The following FAM3B variants were observed in gnomAD, a reference collection of about 807,000 sequenced individuals.
The protein encoded by FAM3B is protein FAM3B.
A neutral mutation model predicts 28.4 loss-of-function variants in FAM3B; 29 were observed. The ratio of observed to expected loss-of-function variants is 1.02; its 90% CI spans 0.76 to 1.39. The LOEUF is 1.39. Ranked by LOEUF, FAM3B falls within the 40% of genes most tolerant of loss-of-function variation. The probability of loss-of-function intolerance (pLI) is 0.00; values close to 1 mark genes in which losing one functional copy is unlikely to be tolerated. For missense variants in FAM3B, 266 were observed against 293.9 expected (o/e 0.91, Z 0.69); for synonymous variants, 91 against 103.0 (o/e 0.88, Z 0.71).
chr21:41,306,554 A>G (rs57347504), intron 1 of FAM3B, among the ~76,000 whole-genome samples: 12,781 of 152,298 alleles, frequency 0.084, 814 homozygotes, highest in African/African-American at 0.17. Context: ...ATTTCCTTAT[A>G]TGTCTCCATC....
chr21:41,323,166 G>A, intron 2 of FAM3B, 100 bp downstream of exon 2: 1 of 1,494,176 alleles, frequency 6.7e-7, no homozygotes, highest in Non-Finnish European at 9.0e-7. Context: ...GGCCCTGACG[G>A]CTTTATATCA....
At chr21:41,304,418 C>T (rs2088670400) in intron 1 of FAM3B, 14 of 388,670 alleles carry the variant, frequency 3.6e-5, no homozygotes, top group South Asian at 2.6e-4. Context: ...CCCGAAGGGC[C>T]CCAGGTTGCC....
intron 7 of FAM3B, among the ~76,000 whole-genome samples, chr21:41,355,434 A>G (rs966076436): frequency 2.0e-5 from 3 of 152,238 alleles, no homozygotes; most frequent in Non-Finnish European, 2.9e-5. Flanking sequence ...TGTTTGATTA[A>G]TGGGTAAGAA....
intron 7 of FAM3B, among the ~76,000 whole-genome samples, chr21:41,355,635 A>G (rs1301700770): frequency 2.0e-5 from 3 of 152,224 alleles, no homozygotes; most frequent in Non-Finnish European, 4.4e-5. Context: ...AGAATGAGAA[A>G]ATCCACAGAG....
intron 2 of FAM3B, among the ~76,000 whole-genome samples, chr21:41,328,806 C>T (rs1317223442): frequency 6.6e-6 from 1 of 152,160 alleles, no homozygotes; most frequent in Non-Finnish European, 1.5e-5. Context: ...GGGAGCCAGC[C>T]TGCAGGGTTG....
intron 2 of FAM3B, among the ~76,000 whole-genome samples, chr21:41,327,541 T>G (rs1226232081): frequency 1.3e-5 from 2 of 152,244 alleles, no homozygotes; most frequent in Non-Finnish European, 2.9e-5. Context: ...AAGATATTTT[T>G]TAATTTCCTT....
chr21:41,310,452 C>G (rs2088703073), intron 1 of FAM3B, among the ~76,000 whole-genome samples: 1 of 152,186 alleles, frequency 6.6e-6, no homozygotes, highest in Non-Finnish European at 1.5e-5. Flanking sequence ...GTGAGTGGCA[C>G]AAGTTCCATA....
At chr21:41,308,551 TTTTTTG>T (rs2088693771) in intron 1 of FAM3B, among the ~76,000 whole-genome samples, 1 of 148,992 alleles carries the variant, frequency 6.7e-6, no homozygotes, top group African/African-American at 2.5e-5. Flanking sequence ...TTTTTTTTTT[TTTTTTG>T]AGACAGAGTT....
At chr21:41,332,873 T>TA (rs2088918752) in intron 2 of FAM3B, among the ~76,000 whole-genome samples, 2 of 144,930 alleles carry the variant, frequency 1.4e-5, no homozygotes, top group Non-Finnish European at 3.0e-5. Context: ...TTATCTCTTT[T>TA]CAAAAAACCA....
At chr21:41,313,520 C>A (rs1243216140), upstream of FAM3B, among the ~76,000 whole-genome samples, 1 of 87,900 alleles carries the variant, frequency 1.1e-5, no homozygotes, top group Admixed American at 1.2e-4. Context: ...GTATGCATGT[C>A]GCATTTGATC....
chr21:41,311,385 C>T (rs1383750905), intron 1 of FAM3B, among the ~76,000 whole-genome samples: 2 of 142,576 alleles, frequency 1.4e-5, no homozygotes, highest in Non-Finnish European at 3.0e-5. Context: ...TCGCATTGAA[C>T]CTGGAAGGTT....
intron 2 of FAM3B, among the ~76,000 whole-genome samples, chr21:41,335,583 C>A (rs558762342): frequency 6.6e-6 from 1 of 152,300 alleles, no homozygotes; most frequent in South Asian, 2.1e-4. Context: ...GAGGCCTCCC[C>A]AGAAGCTCAG....
chr21:41,311,251 A>ATATAT (rs1171631523), intron 1 of FAM3B, among the ~76,000 whole-genome samples: 11 of 35,050 alleles, frequency 3.1e-4, no homozygotes, highest in African/African-American at 4.8e-4. Context: ...AAAAAAAAAA[A>ATATAT]ATATATATAT....
chr21:41,336,077 T>A (rs1458063751), intron 2 of FAM3B, among the ~76,000 whole-genome samples: 1 of 152,188 alleles, frequency 6.6e-6, no homozygotes, highest in Non-Finnish European at 1.5e-5. Flanking sequence ...ACGAATGGTA[T>A]TAGCACCCGT....
chr21:41,354,839 A>AAAAGTT (rs1321254031), intron 7 of FAM3B, among the ~76,000 whole-genome samples: 2 of 152,142 alleles, frequency 1.3e-5, no homozygotes, highest in East Asian at 3.8e-4. Flanking sequence ...CCCCGAACTT[A>AAAAGTT]AAAGTTAAAA....
chr21:41,333,011 G>T, intron 2 of FAM3B, among the ~76,000 whole-genome samples: 1 of 149,566 alleles, frequency 6.7e-6, no homozygotes, highest in African/African-American at 2.5e-5. Context: ...CTATTTTCTT[G>T]ATGTATAATC....
chr21:41,330,524 G>A (rs944578687), intron 2 of FAM3B, among the ~76,000 whole-genome samples: 6 of 152,162 alleles, frequency 3.9e-5, no homozygotes, highest in African/African-American at 1.2e-4. Flanking sequence ...TGGATCTCTT[G>A]AACTTATTCC....
chr21:41,316,761 G>T, upstream of FAM3B: 1 of 1,046,316 alleles, frequency 9.6e-7, no homozygotes. Flanking sequence ...GCACCCAGCT[G>T]GCCCGCCCCT....
chr21:41,322,858 G>A (rs768401364), intron 1 of FAM3B, 65 bp from the exon 2 acceptor site: 2 of 1,613,416 alleles, frequency 1.2e-6, no homozygotes, highest in African/African-American at 1.3e-5. Flanking sequence ...GGGGGGATGG[G>A]GAGGGCCAAG....
Sources: gnomAD v4.1 joint callset for allele counts (sites outside exome capture counted in the v4.1 genomes callset) on GRCh38, gnomAD v4.1.1 for gene constraint, MANE v1.5 for transcripts, NCBI Gene and HGNC (gene_info 2026-07-23, HGNC 2026-07-21) for gene names.